Variants in GNA14 observed in about 807,000 individuals in gnomAD.
The protein encoded by GNA14 is G protein subunit alpha 14.
A neutral mutation model predicts 42.0 loss-of-function variants in GNA14; 50 were observed. That is an observed-to-expected ratio of 1.19 (90% CI 0.95 to 1.51). GNA14 has a LOEUF of 1.51. GNA14 is among the 40% of genes most tolerant of loss of function. The pLI is 0.00. For synonymous variants in GNA14, 173 were observed against 163.1 expected (o/e 1.06, Z -0.46); for missense variants, 473 against 446.2 (o/e 1.06, Z -0.54).
At chr9:77,641,088 A>G (rs1420336884) in intron 1 of GNA14, among the ~76,000 whole-genome samples, 1 of 20,956 alleles carries the variant, frequency 4.8e-5, no homozygotes, top group Non-Finnish European at 7.2e-5. Flanking sequence ...AGGGGAGGGG[A>G]GGGGAGGGGG....
intron 1 of GNA14, among the ~76,000 whole-genome samples, chr9:77,537,747 TTG>T (rs1165999704): frequency 6.6e-6 from 1 of 152,208 alleles, no homozygotes; most frequent in African/African-American, 2.4e-5. Context: ...ATGTCATTTT[TTG>T]TCTTTTAGTA....
intron 2 of GNA14, among the ~76,000 whole-genome samples, chr9:77,498,390 A>AAAG (rs1554691951): frequency 2.3e-5 from 2 of 88,644 alleles, no homozygotes; most frequent in Non-Finnish European, 4.9e-5. Context: ...AAAAAAAAAG[A>AAAG]AAAAAAAGAA....
At chr9:77,479,044 A>G (rs1364388815) in intron 2 of GNA14, among the ~76,000 whole-genome samples, 1 of 152,056 alleles carries the variant, frequency 6.6e-6, no homozygotes, top group Non-Finnish European at 1.5e-5. Context: ...CCATTTGTCA[A>G]TTTTGGCTTT....
At position 77,647,841 on chromosome 9, in the gene GNA14, C is replaced by A. The variant is rs927258579; in HGVS notation, c.-48G>T. ...ACGGGGCGACGCGGCCCCGGGCACC[C>A]GAATCCTCGGCCCGGCCGCTCACCC... is the stretch of plus-strand genomic sequence containing the variant. On this transcript the variant is annotated 5_prime_UTR_variant, in exon 1 of 7. Transcript: ENST00000341700. 65 of 1,579,400 alleles carry A rather than the reference C, an allele frequency of 4.1e-5. No individual in the cohort carries two copies. The highest frequency in any genetic ancestry group is 5.4e-5 in the Non-Finnish European group (63 of 1,167,842).
intron 2 of GNA14, among the ~76,000 whole-genome samples, chr9:77,469,366 A>T (rs891478957): frequency 3.2e-4 from 7 of 22,070 alleles, no homozygotes; most frequent in East Asian, 5.2e-3. Context: ...AAACTGTGTT[A>T]AAAAAAAAAA....
intron 1 of GNA14, among the ~76,000 whole-genome samples, chr9:77,564,224 GAAGAGCTT>G (rs1373550755): frequency 1.3e-5 from 2 of 150,390 alleles, no homozygotes; most frequent in African/African-American, 4.9e-5. Context: ...GGAATCATCT[GAAGAGCTT>G]AAGATGGAAG....
At chr9:77,462,170 T>C (rs999400219) in intron 2 of GNA14, among the ~76,000 whole-genome samples, 1 of 152,176 alleles carries the variant, frequency 6.6e-6, no homozygotes, top group Non-Finnish European at 1.5e-5. Context: ...CACGACATTT[T>C]CATCAGATGT....
intron 2 of GNA14, among the ~76,000 whole-genome samples, chr9:77,478,952 G>A (rs1309652432): frequency 2.6e-5 from 4 of 152,096 alleles, no homozygotes; most frequent in African/African-American, 9.7e-5. Flanking sequence ...AGTAGGTTGA[G>A]AAAATTTTCT....
intron 2 of GNA14, among the ~76,000 whole-genome samples, chr9:77,504,811 G>A (rs1190347189): frequency 2.0e-5 from 3 of 151,878 alleles, no homozygotes; most frequent in African/African-American, 7.3e-5. Context: ...GGGACTACAG[G>A]TGTGCACCAC....
chr9:77,584,820 T>C (rs1235208635), intron 1 of GNA14, among the ~76,000 whole-genome samples: 2 of 152,068 alleles, frequency 1.3e-5, no homozygotes, highest in Admixed American at 1.3e-4. Context: ...AAATAAGGGG[T>C]GAGTTATCCA....
intron 2 of GNA14, among the ~76,000 whole-genome samples, chr9:77,489,711 T>C (rs1457546904): frequency 6.6e-6 from 1 of 151,956 alleles, no homozygotes; most frequent in East Asian, 1.9e-4. Flanking sequence ...GTGTTACAGC[T>C]CTTAAGGCAG....
chr9:77,574,062 T>G (rs1823097221), intron 1 of GNA14, among the ~76,000 whole-genome samples: 1 of 151,952 alleles, frequency 6.6e-6, no homozygotes, highest in East Asian at 1.9e-4. Flanking sequence ...TCCAGTACTG[T>G]GGGAAGTTGA....
chr9:77,554,060 G>A (rs1165279654), intron 1 of GNA14, among the ~76,000 whole-genome samples: 1 of 152,128 alleles, frequency 6.6e-6, no homozygotes, highest in Non-Finnish European at 1.5e-5. Flanking sequence ...AAGGTTAAGA[G>A]GGGTACCTGT....
At chr9:77,518,300 A>G (rs1428888047) in intron 2 of GNA14, among the ~76,000 whole-genome samples, 1 of 152,202 alleles carries the variant, frequency 6.6e-6, no homozygotes, top group Non-Finnish European at 1.5e-5. Context: ...CTTTGGAAGA[A>G]AAACTTTCTC....
chr9:77,467,723 T>C (rs571179380), intron 2 of GNA14, among the ~76,000 whole-genome samples: 255 of 149,530 alleles, frequency 1.7e-3, no homozygotes, highest in African/African-American at 6.0e-3. Context: ...ACAACCTGCA[T>C]CTCCCTTTAG....
At chr9:77,626,200 A>G (rs191074917) in intron 1 of GNA14, among the ~76,000 whole-genome samples, 53 of 152,356 alleles carry the variant, frequency 3.5e-4, no homozygotes, top group African/African-American at 1.1e-3. Context: ...ACTATCCTAA[A>G]TATATATGCA....
At chr9:77,490,796 G>C (rs1836758937) in intron 2 of GNA14, among the ~76,000 whole-genome samples, 1 of 152,240 alleles carries the variant, frequency 6.6e-6, no homozygotes, top group Non-Finnish European at 1.5e-5. Context: ...GAGGGAGCCA[G>C]CTCTGGCCTT....
chr9:77,530,354 C>G (rs1204797571), intron 1 of GNA14, among the ~76,000 whole-genome samples: 1 of 152,188 alleles, frequency 6.6e-6, no homozygotes, highest in African/African-American at 2.4e-5. Flanking sequence ...TCCTGCTCCC[C>G]CTTTACCTTC....
At chr9:77,440,739 T>G (rs994672014) in intron 2 of GNA14, among the ~76,000 whole-genome samples, 2 of 152,118 alleles carry the variant, frequency 1.3e-5, no homozygotes, top group African/African-American at 4.8e-5. Context: ...TTTTTTGAGA[T>G]GCAGTCTTGC....
Sources: gnomAD v4.1 joint callset for allele counts (sites outside exome capture counted in the v4.1 genomes callset) on GRCh38, gnomAD v4.1.1 for gene constraint, MANE v1.5 for transcripts, NCBI Gene and HGNC (gene_info 2026-07-23, HGNC 2026-07-21) for gene names.